The following COL14A1 variants were observed in gnomAD, a reference collection of about 807,000 sequenced individuals.
COL14A1 encodes collagen alpha-1(XIV) chain.
In COL14A1, 136 loss-of-function variants were observed where a neutral mutation model predicts 230.3. The observed-to-expected ratio is 0.59, with a 90% CI of 0.51 to 0.68. COL14A1 has a LOEUF of 0.68. Among genes scored for constraint, COL14A1 ranks in the 30% least tolerant of loss-of-function variants. The probability of loss-of-function intolerance (pLI) is 0.00; values close to 1 mark genes in which losing one functional copy is unlikely to be tolerated. For synonymous variants in COL14A1, 792 were observed against 784.1 expected (o/e 1.01, Z -0.17); for missense variants, 1,976 against 2,215.8 (o/e 0.89, Z 2.17).
At position 120,332,549 on chromosome 8, in the gene COL14A1, T is replaced by A. The variant is rs949003071; in HGVS notation, c.4714-115T>A. On this transcript the variant is annotated intron_variant, in intron 41 of 47. Coordinates refer to ENST00000297848, the MANE Select transcript of COL14A1 (RefSeq NM_021110.4). Reference sequence around the variant, plus strand: ...GGGAACAGGAATGAGGTCCTGGTGATGAGGGGGAGGGAAGCTATCATGGTG... The same window carrying A: ...GGGAACAGGAATGAGGTCCTGGTGAAGAGGGGGAGGGAAGCTATCATGGTG... 24 of 840,594 alleles carry A rather than the reference T, an allele frequency of 2.9e-5. No individual in the cohort carries two copies. The South Asian group carries it at 4.1e-4, about 14-fold the overall frequency. The allele number at this position is 840,594 out of a possible 1,614,324, so 52.1% of individuals were successfully genotyped here.
chr8:120,258,124 A>G (rs943543573), intron 23 of COL14A1, among the ~76,000 whole-genome samples: 1 of 152,132 alleles, frequency 6.6e-6, no homozygotes, highest in Non-Finnish European at 1.5e-5. Context: ...CCGAAGGGTC[A>G]ATTTATTGGC....
intron 5 of COL14A1, among the ~76,000 whole-genome samples, chr8:120,183,975 A>G (rs568790683): frequency 9.3e-4 from 142 of 152,224 alleles, no homozygotes; most frequent in African/African-American, 3.3e-3. Flanking sequence ...CCACTTGCTC[A>G]GTGTGTGATG....
intron 45 of COL14A1, among the ~76,000 whole-genome samples, chr8:120,362,157 T>C (rs1175892993): frequency 6.6e-6 from 1 of 152,184 alleles, no homozygotes; most frequent in African/African-American, 2.4e-5. Flanking sequence ...GTGCAGTGGT[T>C]GAGCACAGAG....
intron 4 of COL14A1, 81 bp downstream of exon 4, chr8:120,162,650 AC>A (rs1815722013): frequency 4.8e-6 from 6 of 1,247,066 alleles, no homozygotes; most frequent in Admixed American, 2.8e-5. Context: ...ATATTCTACA[AC>A]TTAAAATTCT....
chr8:120,282,001 G>A (rs1820054379), intron 31 of COL14A1, among the ~76,000 whole-genome samples: 3 of 152,082 alleles, frequency 2.0e-5, no homozygotes, highest in South Asian at 4.2e-4. Flanking sequence ...GGGTACATGT[G>A]CACATTGTGC....
chr8:120,247,007 T>C (rs1333027860), intron 20 of COL14A1, among the ~76,000 whole-genome samples: 1 of 152,200 alleles, frequency 6.6e-6, no homozygotes, highest in Non-Finnish European at 1.5e-5. Flanking sequence ...ACATTTCTAA[T>C]AAACACGATT....
intron 11 of COL14A1, among the ~76,000 whole-genome samples, chr8:120,209,186 A>G (rs890982054): frequency 1.4e-4 from 22 of 152,112 alleles, no homozygotes; most frequent in Non-Finnish European, 2.5e-4. Flanking sequence ...CCTGGGCAAC[A>G]TGGCAAAACC....
chr8:120,142,974 T>G (rs1434128870), intron 1 of COL14A1, among the ~76,000 whole-genome samples: 1 of 152,200 alleles, frequency 6.6e-6, no homozygotes, highest in Non-Finnish European at 1.5e-5. Flanking sequence ...TCATGTTACT[T>G]TGAAAGTTTA....
At chr8:120,229,432 G>A (rs1005490556) in intron 18 of COL14A1, among the ~76,000 whole-genome samples, 2 of 151,918 alleles carry the variant, frequency 1.3e-5, no homozygotes, top group Admixed American at 1.3e-4. Context: ...CCCTACAAAG[G>A]ACATGAACTC....
chr8:120,196,802 G>C lies in COL14A1; in HGVS notation c.448G>C (p.Val150Leu), dbSNP rs61729463. ...RPSSPEEVKF[V>L]CQTPAIADIV... Reference sequence around the variant, plus strand: ...TTTGTGCTTTGCAGAAGTGAAATTTGTCTGTCAAACTCCAGCAATTGCTGA... The same window carrying C: ...TTTGTGCTTTGCAGAAGTGAAATTTCTCTGTCAAACTCCAGCAATTGCTGA... Residue 150 changes from valine to leucine, a missense_variant, in exon 6 of 48, where the codon GTC becomes CTC. By Grantham distance (32) the Val-to-Leu change is conservative. Transcript: ENST00000297848. 4,689 of 1,613,484 alleles carry C rather than the reference G, an allele frequency of 2.9e-3. 138 individuals are homozygous for C. The African/African-American group carries it at 0.055, about 19-fold the overall frequency.
chr8:120,237,370 C>G (rs1334581594), intron 19 of COL14A1, among the ~76,000 whole-genome samples: 1 of 152,162 alleles, frequency 6.6e-6, no homozygotes, highest in African/African-American at 2.4e-5. Flanking sequence ...GATCTTCAAT[C>G]TCTGATATCC....
Position 120,267,538 on chromosome 8 carries a change from C to A in COL14A1, c.3073+655C>A, listed in dbSNP as rs1048262187. ...AATAGCAGTTGTATTATGTACCACC[C>A]AGAAGTGGTAATGGTTAATACTGCT... is the stretch of plus-strand genomic sequence containing the variant. On this transcript the variant is annotated intron_variant, in intron 25 of 47. Transcript: ENST00000297848. Among the ~76,000 whole-genome samples the A allele has an allele frequency of 2.6e-5, 4 of 151,714 alleles. No homozygotes were observed. In the South Asian group the frequency reaches 8.4e-4, roughly 32 times the overall value.
intron 3 of COL14A1, 77 bp from the exon 4 acceptor site, chr8:120,162,349 G>A: frequency 8.2e-7 from 1 of 1,220,184 alleles, no homozygotes; most frequent in African/African-American, 1.5e-5. Context: ...CACCATAATT[G>A]CTAACTAATA....
chr8:120,146,330 G>A (rs780902372), intron 1 of COL14A1, among the ~76,000 whole-genome samples: 6 of 152,146 alleles, frequency 3.9e-5, no homozygotes, highest in Non-Finnish European at 7.4e-5. Flanking sequence ...TGAAAAATAT[G>A]TTTTAGTTAA....
chr8:120,356,853 AT>A (rs1450509918), intron 45 of COL14A1, among the ~76,000 whole-genome samples: 1 of 152,068 alleles, frequency 6.6e-6, no homozygotes, highest in Middle Eastern at 3.2e-3. Flanking sequence ...CCCAGGACTC[AT>A]CTGGTTAAGT....
intron 45 of COL14A1, among the ~76,000 whole-genome samples, chr8:120,346,568 A>G (rs746730363): frequency 3.1e-4 from 47 of 152,360 alleles, no homozygotes; most frequent in Non-Finnish European, 5.1e-4. Flanking sequence ...ATTTTGACTC[A>G]TGCTAACAGG....
Position 120,370,006 on chromosome 8 carries a change from T to A in COL14A1, c.5311+521T>A, listed in dbSNP as rs1274430165. On this transcript the variant is annotated intron_variant, in intron 47 of 47. Coordinates refer to ENST00000297848, the MANE Select transcript of COL14A1 (RefSeq NM_021110.4). ...CACATTTTAGGTGACCAAGAATAGT[T>A]GTGAGAGGAAACAAAAATCATGCTG... Among the ~76,000 whole-genome samples the A allele has an allele frequency of 3.3e-5, 5 of 152,178 alleles. No individual in the cohort carries two copies. The East Asian group carries it at 9.6e-4, about 29-fold the overall frequency.
intron 5 of COL14A1, among the ~76,000 whole-genome samples, chr8:120,181,333 G>C (rs1179668043): frequency 6.6e-6 from 1 of 152,104 alleles, no homozygotes; most frequent in Admixed American, 6.5e-5. Flanking sequence ...AAAAAGTAAA[G>C]TTTCAATCAT....
chr8:120,151,279 C>A (rs1815269585), intron 2 of COL14A1, among the ~76,000 whole-genome samples: 1 of 151,910 alleles, frequency 6.6e-6, no homozygotes. Flanking sequence ...GCTTTTAAAG[C>A]AAATTTAGTA....
Sources: allele counts gnomAD v4.1 joint callset (sites outside exome capture counted in the v4.1 genomes callset), GRCh38; gene constraint gnomAD v4.1.1; transcripts MANE v1.5; gene names NCBI Gene and HGNC (gene_info 2026-07-23, HGNC 2026-07-21).